The following RBL1 variants were observed in gnomAD, a reference collection of about 807,000 sequenced individuals.
The protein encoded by RBL1 is retinoblastoma-like protein 1.
In RBL1, 82 loss-of-function variants were observed where a neutral mutation model predicts 123.0. The ratio of observed to expected loss-of-function variants is 0.67; its 90% CI spans 0.56 to 0.80. The LOEUF (loss-of-function observed/expected upper bound fraction) is 0.80. RBL1 is among the 30% of genes least tolerant of loss of function. The pLI, the probability that RBL1 is intolerant of heterozygous loss-of-function variation, is 0.00. For synonymous variants in RBL1, 405 were observed against 441.3 expected, an observed-to-expected ratio of 0.92 and a Z score of 1.03; for missense variants, 1,171 against 1,299.6, an observed-to-expected ratio of 0.90 and a Z score of 1.52.
At chr20:37,014,760 T>C (rs900647114) in intron 19 of RBL1, among the ~76,000 whole-genome samples, 20 of 143,678 alleles carry the variant, frequency 1.4e-4, no homozygotes, top group African/African-American at 5.2e-4. Flanking sequence ...CAAGACATGG[T>C]CTCAAAACAA....
At chr20:37,004,070 CTTT>C (rs769240103) in intron 20 of RBL1, among the ~76,000 whole-genome samples, 2 of 136,456 alleles carry the variant, frequency 1.5e-5, no homozygotes, top group African/African-American at 2.7e-5. Context: ...TTTCCTGAAT[CTTT>C]TTTTTTTTTT....
At chr20:37,086,948 A>T (rs1403755191) in intron 2 of RBL1, among the ~76,000 whole-genome samples, 1 of 152,224 alleles carries the variant, frequency 6.6e-6, no homozygotes, top group African/African-American at 2.4e-5. Flanking sequence ...TCAGGAGACA[A>T]AATCACTTAT....
At chr20:37,006,058 C>A (rs1486579407) in intron 20 of RBL1, among the ~76,000 whole-genome samples, 1 of 150,942 alleles carries the variant, frequency 6.6e-6, no homozygotes, top group Non-Finnish European at 1.5e-5. Context: ...AGCCACTACA[C>A]GGCTAGTTTT....
At chr20:37,018,923 G>A (rs896481860) in intron 18 of RBL1, among the ~76,000 whole-genome samples, 2 of 152,052 alleles carry the variant, frequency 1.3e-5, no homozygotes, top group African/African-American at 4.8e-5. Context: ...ACTCCAGCCT[G>A]GACAACAGAG....
Position 37,061,415 on chromosome 20 carries a change from T to G in RBL1, c.1084-146A>C, listed in dbSNP as rs1306180000. On this transcript the variant is annotated intron_variant, in intron 8 of 21. Coordinates refer to ENST00000373664, the MANE Select transcript of RBL1 (RefSeq NM_002895.5). ...ATACTATGCTAATAACATCCTTATATTTGAATAACACTTTTTAAAAGCACT... is the reference window on the plus strand; with the variant it reads ...ATACTATGCTAATAACATCCTTATAGTTGAATAACACTTTTTAAAAGCACT... 4.2e-6 allele frequency: 5 copies of G among 1,193,994 alleles called. No individual in the cohort carries two copies. In the African/African-American group the frequency reaches 7.8e-5, roughly 19 times the overall value. 74.0% of individuals were successfully genotyped at this position (1,193,994 alleles called of 1,614,324 possible).
chr20:37,033,479 G>A (rs924559378), intron 15 of RBL1, among the ~76,000 whole-genome samples: 25 of 151,848 alleles, frequency 1.6e-4, no homozygotes, highest in African/African-American at 5.3e-4. Context: ...TACTGTGCCC[G>A]GCTTGTATTT....
chr20:37,072,170 T>C (rs1427390985), intron 2 of RBL1, among the ~76,000 whole-genome samples: 1 of 150,592 alleles, frequency 6.6e-6, no homozygotes, highest in Non-Finnish European at 1.5e-5. Context: ...CAGAGGACTT[T>C]AAAAATTTTG....
intron 19 of RBL1, among the ~76,000 whole-genome samples, chr20:37,017,473 T>C (rs566420412): frequency 6.6e-6 from 1 of 151,962 alleles, no homozygotes; most frequent in East Asian, 1.9e-4. Flanking sequence ...AAGAGGTGTA[T>C]GAATACTAAC....
rs1217847045 is a variant in RBL1 at position 36,996,685 on chromosome 20, T to C, written c.*2074A>G. 1 of 152,288 alleles carries C rather than the reference T, an allele frequency of 6.6e-6. No homozygotes were observed. The highest frequency in any genetic ancestry group is 1.5e-5 in the Non-Finnish European group (1 of 68,116). The allele number at this position is 152,288 out of a possible 1,614,324, so 9.4% of individuals were successfully genotyped here. A position where few individuals can be genotyped will look rare whatever the true frequency, so the allele number is the denominator to read the frequency against. On this transcript the variant is annotated 3_prime_UTR_variant, in exon 22 of 22. Coordinates refer to ENST00000373664, the MANE Select transcript of RBL1 (RefSeq NM_002895.5). ...AACTCCTGGACTGAAGCAATCCTCC[T>C]GCCTCAGCCTCCCAAAGTGTTGGGA...
intron 8 of RBL1, 99 bp downstream of exon 8, chr20:37,061,985 A>C: frequency 7.7e-7 from 1 of 1,296,290 alleles, no homozygotes; most frequent in African/African-American, 1.5e-5. Context: ...TAGTAGAAGA[A>C]GCTCAAGATT....
At chr20:37,003,940 A>G in intron 20 of RBL1, 74 bp from the exon 21 acceptor site, 4 of 1,350,420 alleles carry the variant, frequency 3.0e-6, no homozygotes, top group South Asian at 3.2e-5. Context: ...TTTTATTCTT[A>G]TGGTATCTTC....
At chr20:37,019,029 A>G (rs2064300705) in intron 18 of RBL1, among the ~76,000 whole-genome samples, 1 of 151,916 alleles carries the variant, frequency 6.6e-6, no homozygotes, top group South Asian at 2.1e-4. Flanking sequence ...CTTACACAAC[A>G]ATCAATTGGT....
intron 11 of RBL1, among the ~76,000 whole-genome samples, chr20:37,050,265 C>G (rs1043790713): frequency 6.6e-6 from 1 of 151,668 alleles, no homozygotes; most frequent in Admixed American, 6.6e-5. Context: ...AGAATAAGGC[C>G]GGGCGCAGTG....
rs191744845 is a variant in RBL1, at chr20:37,076,752, G to T, written c.291-8566C>A. On this transcript the variant is annotated intron_variant, in intron 2 of 21. Coordinates refer to ENST00000373664, the MANE Select transcript of RBL1 (RefSeq NM_002895.5). The stretch of plus-strand genomic sequence containing the variant: ...TTTTCCTCTAATTTATCTTGGACAT[G>T]TTTTTACATCAGTAAAACCCCTTCT... Among the ~76,000 whole-genome samples, 5 of 152,188 alleles carry T rather than the reference G, an allele frequency of 3.3e-5. No homozygotes were observed. The East Asian group carries it at 9.6e-4, about 29-fold the overall frequency.
intron 8 of RBL1, 99 bp from the exon 9 acceptor site, chr20:37,061,368 A>C: frequency 7.1e-7 from 1 of 1,414,844 alleles, no homozygotes; most frequent in East Asian, 2.4e-5. Context: ...TCATATTTGT[A>C]ATATCCATGA....
chr20:37,092,857 T>A (rs1395747015), intron 1 of RBL1, among the ~76,000 whole-genome samples: 2 of 152,248 alleles, frequency 1.3e-5, no homozygotes, highest in East Asian at 3.9e-4. Context: ...TACAATTCTA[T>A]TTGATAAAAT....
intron 11 of RBL1, among the ~76,000 whole-genome samples, chr20:37,047,997 A>T (rs569160911): frequency 2.4e-4 from 36 of 152,146 alleles, no homozygotes; most frequent in Non-Finnish European, 4.6e-4. Context: ...ACAAAAAACT[A>T]AAACAAACAA....
Position 37,040,303 on chromosome 20 carries a change from C to T in RBL1, c.1771-18G>A, listed in dbSNP as rs200708710. 1 of 1,607,096 alleles carries T rather than the reference C, an allele frequency of 6.2e-7. No homozygotes were observed. Among genetic ancestry groups the T allele is most frequent in the Non-Finnish European group, 8.5e-7 (1 of 1,178,068 alleles). ...AATATAACCTGTAGAAAACAAAAAC[C>T]CTTTGATTTACATATAGATAAACTT... On this transcript the variant is annotated intron_variant, in intron 13 of 21. Coordinates refer to ENST00000373664, the MANE Select transcript of RBL1 (RefSeq NM_002895.5).
chr20:37,017,359 C>G (rs953663760), intron 19 of RBL1, among the ~76,000 whole-genome samples: 3 of 148,312 alleles, frequency 2.0e-5, no homozygotes, highest in African/African-American at 7.5e-5. Flanking sequence ...GGTGACAGAA[C>G]AAAACCCTAT....
Sources: allele counts gnomAD v4.1 joint callset (sites outside exome capture counted in the v4.1 genomes callset), GRCh38; gene constraint gnomAD v4.1.1; transcripts MANE v1.5; gene names NCBI Gene and HGNC (gene_info 2026-07-23, HGNC 2026-07-21).